MAST4: variants seen among roughly 807,000 people sequenced by gnomAD.
MAST4 encodes microtubule-associated serine/threonine-protein kinase 4.
Under a neutral mutation model 162.7 loss-of-function variants are expected in MAST4, and 89 were observed. The ratio of observed to expected loss-of-function variants is 0.55; its 90% CI spans 0.46 to 0.65. The LOEUF (loss-of-function observed/expected upper bound fraction) is 0.65. Among genes scored for constraint, MAST4 ranks in the 30% least tolerant of loss-of-function variants. MAST4 has a pLI of 0.00. For missense variants in MAST4, 3,153 were observed against 3,374.0 expected, an observed-to-expected ratio of 0.93 and a Z score of 1.62; for synonymous variants, 1,479 against 1,361.1, an observed-to-expected ratio of 1.09 and a Z score of -1.91.
intron 1 of MAST4, among the ~76,000 whole-genome samples, chr5:66,686,414 C>G (rs1307196705): frequency 6.6e-6 from 1 of 152,096 alleles, no homozygotes; most frequent in Non-Finnish European, 1.5e-5. Context: ...AGTAAGCAAA[C>G]TAGAGTCCTA....
intron 3 of MAST4, among the ~76,000 whole-genome samples, chr5:66,866,539 A>G (rs545382762): frequency 5.3e-4 from 81 of 152,196 alleles, no homozygotes; most frequent in African/African-American, 1.9e-3. Context: ...AATATTTTTG[A>G]CTTTGTATAA....
At chr5:67,011,418 T>TTAAAGTA (rs1752655461) in intron 4 of MAST4, among the ~76,000 whole-genome samples, 2 of 152,218 alleles carry the variant, frequency 1.3e-5, no homozygotes, top group African/African-American at 4.8e-5. Flanking sequence ...TTCTTTATGC[T>TTAAAGTA]CTTGACTGTG....
intron 4 of MAST4, among the ~76,000 whole-genome samples, chr5:66,974,528 G>A (rs7715609): frequency 0.011 from 1,693 of 152,300 alleles, 39 homozygotes; most frequent in African/African-American, 0.038. Context: ...GTATTCAGAA[G>A]TATTACTAAC....
At chr5:66,973,162 C>T (rs2150207219) in intron 4 of MAST4, among the ~76,000 whole-genome samples, 1 of 152,172 alleles carries the variant, frequency 6.6e-6, no homozygotes, top group East Asian at 1.9e-4. Context: ...AATACTTAAG[C>T]ATGTATCTCC....
In MAST4 at chr5:67,166,198, A is replaced by G; in HGVS notation, c.7019A>G (p.Lys2340Arg). Residue 2340 changes from lysine to arginine, a missense_variant, in exon 29 of 29, where the codon AAA becomes AGA. This residue lies in a region of MAST4 where 1,644 missense variants were observed against 1,495.0 expected (regional missense o/e 1.10). Transcript: ENST00000403625. ...SPKHPKPSTV[K>R]DCPTLCKQTD... ...AAGCACCCCAAACCATCCACTGTGA[A>G]AGATTGCCCCACCCTGTGCAAACAG... is the stretch of plus-strand genomic sequence containing the variant. The G allele has an allele frequency of 6.4e-7, 1 of 1,553,528 alleles. No individual in the cohort carries two copies. Among genetic ancestry groups the G allele is most frequent in the Non-Finnish European group, 8.7e-7 (1 of 1,147,854 alleles).
Position 66,670,395 on chromosome 5 carries a change from C to T in MAST4, c.363+73377C>T, listed in dbSNP as rs141630768. Among the ~76,000 whole-genome samples, 3 of 152,246 alleles carry T rather than the reference C, an allele frequency of 2.0e-5. No individual in the cohort carries two copies. In the East Asian group the frequency reaches 5.8e-4, roughly 29 times the overall value. On this transcript the variant is annotated intron_variant, in intron 1 of 28. Transcript: ENST00000403625. ...ATACTAATTTGCAATAATTTACCAA[C>T]TCCTAATCGTTGATTTACTTTTCTC... is the stretch of plus-strand genomic sequence containing the variant.
At chr5:66,677,687 C>T (rs544066013) in intron 1 of MAST4, among the ~76,000 whole-genome samples, 10 of 152,200 alleles carry the variant, frequency 6.6e-5, no homozygotes, top group South Asian at 2.1e-4. Flanking sequence ...GGAATGTTCC[C>T]GAAGAAGTGA....
chr5:67,048,428 G>A (rs1417223003), intron 4 of MAST4, among the ~76,000 whole-genome samples: 2 of 152,154 alleles, frequency 1.3e-5, no homozygotes, highest in East Asian at 3.8e-4. Flanking sequence ...AAACATGACT[G>A]TCATACAAAT....
In MAST4 at chr5:67,083,599, T is replaced by A. The variant is rs569728480; in HGVS notation, c.764-6563T>A. Among the ~76,000 whole-genome samples the A allele has an allele frequency of 1.2e-3, 190 of 152,262 alleles. 1 individual carries two copies. The highest frequency in any genetic ancestry group is 2.0e-3 in the Non-Finnish European group (133 of 67,990). On this transcript the variant is annotated intron_variant, in intron 5 of 28. Transcript: ENST00000403625. ...CTTTGTATCTAATTATGTTAAGGAATTAAATCCCTTCATGTAAGATAGAAA... is the reference window on the plus strand; with the variant it reads ...CTTTGTATCTAATTATGTTAAGGAAATAAATCCCTTCATGTAAGATAGAAA...
chr5:66,833,147 A>G (rs1757731527), intron 3 of MAST4, among the ~76,000 whole-genome samples: 1 of 152,190 alleles, frequency 6.6e-6, no homozygotes. Context: ...TTTGTTTACT[A>G]GCTCCTCTTT....
intron 12 of MAST4, among the ~76,000 whole-genome samples, chr5:67,116,768 A>G (rs1316495729): frequency 1.3e-5 from 2 of 152,084 alleles, no homozygotes; most frequent in Admixed American, 1.3e-4. Context: ...GTGAGCCGAG[A>G]TGGCGCCATT....
At chr5:66,922,964 G>C (rs901906638) in intron 4 of MAST4, among the ~76,000 whole-genome samples, 1 of 152,036 alleles carries the variant, frequency 6.6e-6, no homozygotes, top group African/African-American at 2.4e-5. Context: ...CATCTTCTCG[G>C]GCATCCAACC....
chr5:67,118,808 T>G (rs1192366603), intron 13 of MAST4, 59 bp downstream of exon 13: 21 of 985,670 alleles, frequency 2.1e-5, no homozygotes, highest in East Asian at 2.6e-5. Flanking sequence ...TCTGGAGACT[T>G]TGGCTATGTT....
rs1227399489 is a variant in MAST4 at position 67,169,466 on chromosome 5, G to A, written c.*2415G>A. ...AGCTTAAAAGTTTGTTAGGATCTGTGCAATAAAGTGTTTGCAGTCTTATTT... is the reference window on the plus strand; with the variant it reads ...AGCTTAAAAGTTTGTTAGGATCTGTACAATAAAGTGTTTGCAGTCTTATTT... On this transcript the variant is annotated 3_prime_UTR_variant, in exon 29 of 29. Coordinates refer to ENST00000403625, the MANE Select transcript of MAST4 (RefSeq NM_001164664.2). The A allele has an allele frequency of 6.6e-6, 1 of 152,110 alleles. No homozygotes were observed. Among genetic ancestry groups the A allele is most frequent in the African/African-American group, 2.4e-5 (1 of 41,416 alleles). The allele number at this position is 152,110 out of a possible 1,614,324, so 9.4% of individuals were successfully genotyped here.
intron 2 of MAST4, among the ~76,000 whole-genome samples, chr5:66,765,955 G>A (rs566800082): frequency 6.6e-6 from 1 of 152,280 alleles, no homozygotes; most frequent in Non-Finnish European, 1.5e-5. Flanking sequence ...CTGTCTTGAA[G>A]GTCCACAGCT....
chr5:67,163,625 G>T lies in MAST4; in HGVS notation c.4446G>T (p.Arg1482=). ...AGGTGCAGCGGGAGCAGTCCCAGCG[G>T]GAGGCGCCGCTGCAGAGCCTGGATG... The part of the protein sequence containing the change: ...QEEVQREQSQ[R]EAPLQSLDEN... Residue 1482 remains arginine, a synonymous_variant, in exon 29 of 29, where the codon CGG becomes CGT. Transcript: ENST00000403625. This position sits in a 1 kb window ranked among gnomAD's most constrained non-coding sequence, Gnocchi z 7.0. 6.2e-7 allele frequency: 1 copy of T among 1,604,824 alleles called. No homozygotes were observed. The highest frequency in any genetic ancestry group is 8.5e-7 in the Non-Finnish European group (1 of 1,176,286).
intron 4 of MAST4, among the ~76,000 whole-genome samples, chr5:66,974,993 A>G (rs1747948849): frequency 6.6e-6 from 1 of 152,178 alleles, no homozygotes; most frequent in South Asian, 2.1e-4. Context: ...TACCTTACTT[A>G]GGAAAAAAGG....
At chr5:66,894,589 G>T (rs1206172466) in intron 3 of MAST4, among the ~76,000 whole-genome samples, 1 of 152,170 alleles carries the variant, frequency 6.6e-6, no homozygotes, top group Non-Finnish European at 1.5e-5. Flanking sequence ...TGTTAGTGCA[G>T]AGTACTTGCA....
At chr5:67,071,738 C>T (rs1307844918) in intron 5 of MAST4, among the ~76,000 whole-genome samples, 8 of 152,072 alleles carry the variant, frequency 5.3e-5, no homozygotes, top group South Asian at 2.1e-4. Context: ...CCAGCCTGGG[C>T]GACAGAGCGA....
Sources: allele counts gnomAD v4.1 joint callset (sites outside exome capture counted in the v4.1 genomes callset), GRCh38; gene constraint gnomAD v4.1.1; regional missense constraint gnomAD v4.1.1; non-coding constraint Gnocchi (gnomAD v3.1); transcripts MANE v1.5; gene names NCBI Gene and HGNC (gene_info 2026-07-23, HGNC 2026-07-21).